The following ABLIM3 variants were observed in gnomAD, a reference collection of about 807,000 sequenced individuals.
ABLIM3 encodes actin-binding LIM protein 3.
ABLIM3 carries 61 observed loss-of-function variants against 109.5 expected under a neutral mutation model. That is an observed-to-expected ratio of 0.56 (90% CI 0.45 to 0.69). ABLIM3 has a LOEUF of 0.69. Among genes scored for constraint, ABLIM3 ranks in the 30% least tolerant of loss-of-function variants. The probability of loss-of-function intolerance (pLI) is 0.00; values close to 1 mark genes in which losing one functional copy is unlikely to be tolerated. For missense variants in ABLIM3, 796 were observed against 889.5 expected (o/e 0.89, Z 1.34); for synonymous variants, 300 against 324.8 (o/e 0.92, Z 0.82).
Position 149,258,582 on chromosome 5 carries a change from T to C in ABLIM3, c.*178T>C. On this transcript the variant is annotated 3_prime_UTR_variant, in exon 24 of 24. Transcript: ENST00000309868. ...ATATTTTTATGCTCCTTACTTTCTC[T>C]TTTCTAAGTGCTGTGGGATCTGGGA... is the stretch of plus-strand genomic sequence containing the variant. 1 of 1,368,834 alleles carries C rather than the reference T, an allele frequency of 7.3e-7. No individual in the cohort carries two copies. Among genetic ancestry groups the C allele is most frequent in the Non-Finnish European group, 9.4e-7 (1 of 1,065,898 alleles). 84.8% of individuals were successfully genotyped at this position (1,368,834 alleles called of 1,614,324 possible).
At chr5:149,217,255 T>A in intron 8 of ABLIM3, 1 of 593,796 alleles carries the variant, frequency 1.7e-6, no homozygotes, top group Non-Finnish European at 3.1e-6. Flanking sequence ...TAATCTGCCT[T>A]CCGTCTCTGT....
In ABLIM3 at chr5:149,207,037, C is replaced by A. The variant is rs755628611; in HGVS notation, c.478C>A (p.His160Asn). 2 of 1,613,990 alleles carry A rather than the reference C, an allele frequency of 1.2e-6. No homozygotes were observed. Among genetic ancestry groups the A allele is most frequent in the Non-Finnish European group, 8.5e-7 (1 of 1,179,956 alleles). ...HCAGCKEEIKHGQSLLALDKQ... is the reference protein window; with the variant it reads ...HCAGCKEEIKNGQSLLALDKQ... ...TGCCGGGTGCAAGGAGGAGATCAAG[C>A]ACGGCCAGTCACTCCTGGCTCTGGA... Residue 160 changes from histidine to asparagine, a missense_variant, in exon 6 of 24, where the codon CAC becomes AAC. By Grantham distance (68) the His-to-Asn change is moderately conservative. Coordinates refer to ENST00000309868, the MANE Select transcript of ABLIM3 (RefSeq NM_014945.5).
At chr5:149,175,621 G>A (rs900520189) in intron 2 of ABLIM3, among the ~76,000 whole-genome samples, 1 of 152,138 alleles carries the variant, frequency 6.6e-6, no homozygotes, top group Non-Finnish European at 1.5e-5. Flanking sequence ...GGAAGGAGGG[G>A]CGGGCAATCC....
rs575245469 is a variant in ABLIM3, at chr5:149,226,093, A to C, written c.758-4556A>C. On this transcript the variant is annotated intron_variant, in intron 8 of 23. Coordinates refer to ENST00000309868, the MANE Select transcript of ABLIM3 (RefSeq NM_014945.5). ...GTTGGTTTATGTGCATGGAGATTTT[A>C]AAGGAGCAGTTCCAAGGTTCCTCCC... Among the ~76,000 whole-genome samples, 4 of 148,428 alleles carry C rather than the reference A, an allele frequency of 2.7e-5. No individual in the cohort carries two copies. The South Asian group carries it at 8.6e-4, about 32-fold the overall frequency.
chr5:149,183,608 C>G lies in ABLIM3; in HGVS notation c.151+19C>G. 6.6e-7 allele frequency: 1 copy of G among 1,507,212 alleles called. No individual in the cohort carries two copies. The highest frequency in any genetic ancestry group is 2.5e-5 in the East Asian group (1 of 40,212). 93.4% of individuals were successfully genotyped at this position (1,507,212 alleles called of 1,614,324 possible). On this transcript the variant is annotated intron_variant, in intron 3 of 23. Coordinates refer to ENST00000309868, the MANE Select transcript of ABLIM3 (RefSeq NM_014945.5). ...TGTCAAGGTAGGAGGCTCAGCTCCCCCACTCTCTTCTTAGATTCCTGACCA... is the reference window on the plus strand; with the variant it reads ...TGTCAAGGTAGGAGGCTCAGCTCCCGCACTCTCTTCTTAGATTCCTGACCA...
chr5:149,256,003 T>C (rs1368625793), intron 23 of ABLIM3, among the ~76,000 whole-genome samples: 1 of 152,222 alleles, frequency 6.6e-6, no homozygotes, highest in East Asian at 1.9e-4. Flanking sequence ...AACTTGTCCA[T>C]GGTCACATGG....
At position 149,251,373 on chromosome 5, in the gene ABLIM3, C is replaced by T. The variant is rs748836243; in HGVS notation, c.1803C>T (p.Asp601=). 6.2e-7 allele frequency: 1 copy of T among 1,614,160 alleles called. No homozygotes were observed. Among genetic ancestry groups the T allele is most frequent in the Non-Finnish European group, 8.5e-7 (1 of 1,180,028 alleles). Residue 601 remains aspartate, a synonymous_variant, in exon 21 of 24, where the codon GAC becomes GAT. Coordinates refer to ENST00000309868, the MANE Select transcript of ABLIM3 (RefSeq NM_014945.5). ...RNGLHRTPSA[D]LFHYDSMNAV... Reference sequence around the variant, plus strand: ...CTCTTCTGCAGACACCCAGCGCAGACCTCTTCCACTACGACAGCATGAACG... The same window carrying T: ...CTCTTCTGCAGACACCCAGCGCAGATCTCTTCCACTACGACAGCATGAACG...
intron 6 of ABLIM3, among the ~76,000 whole-genome samples, chr5:149,207,480 G>C (rs1454768381): frequency 2.0e-5 from 3 of 151,966 alleles, no homozygotes; most frequent in Non-Finnish European, 4.4e-5. Context: ...TACCACCATT[G>C]GTAATTACAT....
At chr5:149,207,335 C>T (rs1329333899) in intron 6 of ABLIM3, among the ~76,000 whole-genome samples, 1 of 152,132 alleles carries the variant, frequency 6.6e-6, no homozygotes, top group East Asian at 1.9e-4. Context: ...CTGAGACACC[C>T]TCCCTGTTCC....
Position 149,217,365 on chromosome 5 carries a change from C to T in ABLIM3, c.757+319C>T, listed in dbSNP as rs181752493. The T allele has an allele frequency of 1.8e-4, 71 of 391,548 alleles. 1 individual carries two copies. The Admixed American group carries it at 2.0e-3, about 11-fold the overall frequency. 24.3% of individuals were successfully genotyped at this position (391,548 alleles called of 1,614,324 possible). A position where few individuals can be genotyped will look rare whatever the true frequency, so the allele number is the denominator to read the frequency against. ...GGGTGGGAAGCTGAGCTGCACAGGC[C>T]CAAGGGGTCAGAGAACCTCAGAGGG... On this transcript the variant is annotated intron_variant, in intron 8 of 23. Transcript: ENST00000309868.
chr5:149,252,633 C>CT (rs1160750407), intron 22 of ABLIM3, 124 bp from the exon 23 acceptor site: 1 of 758,242 alleles, frequency 1.3e-6, no homozygotes, highest in Non-Finnish European at 2.2e-6. Context: ...AGATCCAGCT[C>CT]TTCCTCCAGA....
In ABLIM3 at chr5:149,237,700, A is replaced by G. The variant is rs545040628; in HGVS notation, c.1044+97A>G. 20 of 1,493,138 alleles carry G rather than the reference A, an allele frequency of 1.3e-5. No individual in the cohort carries two copies. In the African/African-American group the frequency reaches 2.4e-4, roughly 18 times the overall value. The allele number at this position is 1,493,138 out of a possible 1,614,324, so 92.5% of individuals were successfully genotyped here. Reference sequence around the variant, plus strand: ...CATCACAGACAGTTTGGCCTCCACAATGCTGGCTCCCAGACTCTTCTACAC... The same window carrying G: ...CATCACAGACAGTTTGGCCTCCACAGTGCTGGCTCCCAGACTCTTCTACAC... On this transcript the variant is annotated intron_variant, in intron 11 of 23. Transcript: ENST00000309868.
chr5:149,214,403 G>A (rs1759847281), intron 7 of ABLIM3, among the ~76,000 whole-genome samples: 1 of 152,112 alleles, frequency 6.6e-6, no homozygotes, highest in South Asian at 2.1e-4. Context: ...CACGCCCGGT[G>A]GAAAAAAGAA....
intron 6 of ABLIM3, among the ~76,000 whole-genome samples, chr5:149,208,438 G>A (rs1265708923): frequency 7.1e-6 from 1 of 141,484 alleles, no homozygotes; most frequent in Non-Finnish European, 1.5e-5. Context: ...GTCTCTCTCT[G>A]TCTCTGTCCC....
intron 22 of ABLIM3, 112 bp downstream of exon 22, chr5:149,252,320 TA>T: frequency 7.9e-7 from 1 of 1,266,190 alleles, no homozygotes; most frequent in Non-Finnish European, 1.1e-6. Context: ...CATAGATAAA[TA>T]ACCCCAGGGG....
At position 149,258,540 on chromosome 5, in the gene ABLIM3, A is replaced by C. The variant is rs1754654916; in HGVS notation, c.*136A>C. ...GACTTGCTTTTCTGTACTGTCAGGC[A>C]AGCCCACGTCATCGAGATATTTTTA... is the stretch of plus-strand genomic sequence containing the variant. On this transcript the variant is annotated 3_prime_UTR_variant, in exon 24 of 24. Transcript: ENST00000309868. 7.1e-7 allele frequency: 1 copy of C among 1,402,588 alleles called. No homozygotes were observed. The highest frequency in any genetic ancestry group is 1.5e-5 in the African/African-American group (1 of 68,390). The allele number at this position is 1,402,588 out of a possible 1,614,324, so 86.9% of individuals were successfully genotyped here. A position where few individuals can be genotyped will look rare whatever the true frequency, so the allele number is the denominator to read the frequency against.
chr5:149,235,581 T>C (rs1407723552), intron 10 of ABLIM3, among the ~76,000 whole-genome samples: 1 of 152,090 alleles, frequency 6.6e-6, no homozygotes, highest in Admixed American at 6.5e-5. Flanking sequence ...GTTTTTGAGG[T>C]TTGGGGTAAA....
At chr5:149,212,686 C>A (rs1759680264) in intron 7 of ABLIM3, among the ~76,000 whole-genome samples, 1 of 152,174 alleles carries the variant, frequency 6.6e-6, no homozygotes. Context: ...AAAGAATTAT[C>A]TATTTCTGAG....
intron 21 of ABLIM3, among the ~76,000 whole-genome samples, chr5:149,251,623 GGT>G (rs1753936362): frequency 6.6e-6 from 1 of 152,008 alleles, no homozygotes; most frequent in Non-Finnish European, 1.5e-5. Context: ...CCTGGCCTTG[GGT>G]GGTCTCCAAG....
Sources: gnomAD v4.1 joint callset for allele counts (sites outside exome capture counted in the v4.1 genomes callset) on GRCh38, gnomAD v4.1.1 for gene constraint, MANE v1.5 for transcripts, NCBI Gene and HGNC (gene_info 2026-07-23, HGNC 2026-07-21) for gene names.